PTPRN2: variants seen among roughly 807,000 people sequenced by gnomAD.
The protein encoded by PTPRN2 is protein tyrosine phosphatase receptor type N2.
Under a neutral mutation model 118.8 loss-of-function variants are expected in PTPRN2, and 74 were observed. The observed-to-expected ratio is 0.62, with a 90% CI of 0.52 to 0.76. PTPRN2 has a LOEUF of 0.76. Among genes scored for constraint, PTPRN2 ranks in the 30% least tolerant of loss-of-function variants. PTPRN2 has a pLI of 0.00. For missense variants in PTPRN2, 1,481 were observed against 1,394.4 expected, an observed-to-expected ratio of 1.06 and a Z score of -0.99; for synonymous variants, 641 against 608.0, an observed-to-expected ratio of 1.05 and a Z score of -0.80.
rs1799802377 is a variant in PTPRN2 at position 157,729,995 on chromosome 7, T to C, written c.1789-47058A>G. On this transcript the variant is annotated intron_variant, in intron 12 of 22. Coordinates refer to ENST00000389418, the MANE Select transcript of PTPRN2 (RefSeq NM_002847.5). The surrounding 1 kb of genome is among the most constrained non-coding windows in gnomAD (Gnocchi z 4.3). ...GGGAGCAGAAACCACAAGATAGACA[T>C]GGCCCATTGTGCTCGAGGGTCACTT... is the stretch of plus-strand genomic sequence containing the variant. 6.6e-6 allele frequency among the ~76,000 whole-genome samples: 1 copy of C among 152,204 alleles called. No homozygotes were observed. Among genetic ancestry groups the C allele is most frequent in the African/African-American group, 2.4e-5 (1 of 41,454 alleles).
chr7:158,155,942 C>T (rs1230065822), intron 6 of PTPRN2, among the ~76,000 whole-genome samples: 1 of 152,186 alleles, frequency 6.6e-6, no homozygotes, highest in Non-Finnish European at 1.5e-5. Flanking sequence ...TCAGTAGGAG[C>T]TCATTATCGC....
chr7:157,923,486 G>GA, intron 11 of PTPRN2, among the ~76,000 whole-genome samples: 1 of 152,320 alleles, frequency 6.6e-6, no homozygotes. Flanking sequence ...CATTGAGTTG[G>GA]AAAAATCCAA....
At chr7:158,094,108 G>C (rs1814429162) in intron 10 of PTPRN2, among the ~76,000 whole-genome samples, 1 of 152,112 alleles carries the variant, frequency 6.6e-6, no homozygotes, top group Non-Finnish European at 1.5e-5. Flanking sequence ...TGTATGCTTT[G>C]CCTTTGAACT....
At chr7:157,633,892 T>C (rs1007098104) in intron 14 of PTPRN2, among the ~76,000 whole-genome samples, 43 of 152,192 alleles carry the variant, frequency 2.8e-4, no homozygotes, top group African/African-American at 9.2e-4. Flanking sequence ...AAGATGCTTG[T>C]GATGGTGGTT....
chr7:158,067,242 G>T (rs1049932908), intron 11 of PTPRN2, among the ~76,000 whole-genome samples: 1 of 152,214 alleles, frequency 6.6e-6, no homozygotes, highest in East Asian at 1.9e-4. Context: ...CTGCACCCAG[G>T]GTGTCTCCTG....
At chr7:157,701,894 C>T (rs1046376384) in intron 12 of PTPRN2, among the ~76,000 whole-genome samples, 29 of 145,894 alleles carry the variant, frequency 2.0e-4, no homozygotes, top group Non-Finnish European at 4.0e-4. Context: ...GTAAGAGAGC[C>T]GGGTAGGTGC....
chr7:158,135,811 T>A (rs4349930), intron 8 of PTPRN2, among the ~76,000 whole-genome samples: 51,536 of 152,128 alleles, frequency 0.34, 8,968 homozygotes, highest in East Asian at 0.5. Flanking sequence ...ATGGAACCAC[T>A]AACCAGTAAG....
intron 3 of PTPRN2, among the ~76,000 whole-genome samples, chr7:158,227,320 T>C (rs1828862935): frequency 1.3e-5 from 2 of 151,808 alleles, no homozygotes; most frequent in South Asian, 4.2e-4. Context: ...GCTTCAAGGG[T>C]GAGAGAGAGG....
chr7:158,406,202 C>T (rs56406347), intron 2 of PTPRN2, among the ~76,000 whole-genome samples: 1 of 146,894 alleles, frequency 6.8e-6, no homozygotes, highest in African/African-American at 2.5e-5. Flanking sequence ...ACTGAGATCC[C>T]GGTGGCTCAT....
At chr7:158,309,675 GA>G (rs1440042919) in intron 3 of PTPRN2, among the ~76,000 whole-genome samples, 1 of 152,068 alleles carries the variant, frequency 6.6e-6, no homozygotes, top group Non-Finnish European at 1.5e-5. Context: ...ACTAAATCCA[GA>G]AACATATAAA....
Position 158,351,113 on chromosome 7 carries a change from A to G in PTPRN2, c.164-34181T>C, listed in dbSNP as rs371619176. Among the ~76,000 whole-genome samples the G allele has an allele frequency of 8.5e-5, 13 of 152,294 alleles. No homozygotes were observed. The East Asian group carries it at 2.5e-3, about 29-fold the overall frequency. On this transcript the variant is annotated intron_variant, in intron 2 of 22. Coordinates refer to ENST00000389418, the MANE Select transcript of PTPRN2 (RefSeq NM_002847.5). ...ATGCTGTGTTGATGTGTCAGCATCA[A>G]ACTGTTATGCGGGAGGCAGAAGGAC...
intron 2 of PTPRN2, among the ~76,000 whole-genome samples, chr7:158,341,506 A>G (rs1471938654): frequency 8.4e-6 from 1 of 119,478 alleles, no homozygotes; most frequent in African/African-American, 3.2e-5. Flanking sequence ...ACACGTGCAG[A>G]CGTCACTCAC....
At chr7:158,042,655 A>T (rs1484267601) in intron 11 of PTPRN2, among the ~76,000 whole-genome samples, 1 of 152,202 alleles carries the variant, frequency 6.6e-6, no homozygotes, top group Non-Finnish European at 1.5e-5. Flanking sequence ...GGGGCAGGCC[A>T]GGCCCAGGGC....
intron 1 of PTPRN2, among the ~76,000 whole-genome samples, chr7:158,530,946 G>A (rs1298681120): frequency 1.3e-5 from 2 of 152,194 alleles, no homozygotes; most frequent in Admixed American, 6.5e-5. Flanking sequence ...ACACGTGTGT[G>A]TGTGTAAGCA....
intron 3 of PTPRN2, among the ~76,000 whole-genome samples, chr7:158,309,156 T>C (rs1175964419): frequency 5.9e-5 from 9 of 152,206 alleles, no homozygotes; most frequent in East Asian, 5.8e-4. Flanking sequence ...GTCAACCTGA[T>C]GGGATTGAAG....
intron 2 of PTPRN2, among the ~76,000 whole-genome samples, chr7:158,386,908 G>A (rs1227601072): frequency 6.6e-6 from 1 of 152,180 alleles, no homozygotes; most frequent in African/African-American, 2.4e-5. Flanking sequence ...GAATGGGAAG[G>A]TGCTTCCACA....
intron 9 of PTPRN2, among the ~76,000 whole-genome samples, chr7:158,121,514 T>G (rs1459634425): frequency 1.3e-5 from 2 of 152,224 alleles, no homozygotes; most frequent in Non-Finnish European, 2.9e-5. Flanking sequence ...ATAAGCCAAC[T>G]TCCCAATCAA....
chr7:158,172,905 C>T (rs543653348), intron 5 of PTPRN2, among the ~76,000 whole-genome samples: 1 of 145,558 alleles, frequency 6.9e-6, no homozygotes, highest in Non-Finnish European at 1.5e-5. Flanking sequence ...AGCATCATCC[C>T]ACCATCAATA....
Position 157,779,046 on chromosome 7 carries a change from G to A in PTPRN2, c.1789-96109C>T, listed in dbSNP as rs1026590101. Reference sequence around the variant, plus strand: ...ACAGCCAGGTGGCCGTGTTCTCTGAGGGGTTGTGCCGGGGTCTTCAGACAG... The same window carrying A: ...ACAGCCAGGTGGCCGTGTTCTCTGAAGGGTTGTGCCGGGGTCTTCAGACAG... On this transcript the variant is annotated intron_variant, in intron 12 of 22. Transcript: ENST00000389418. The surrounding 1 kb of genome is among the most constrained non-coding windows in gnomAD (Gnocchi z 4.7). Among the ~76,000 whole-genome samples, 2 of 152,254 alleles carry A rather than the reference G, an allele frequency of 1.3e-5. No individual in the cohort carries two copies. The highest frequency in any genetic ancestry group is 4.8e-5 in the African/African-American group (2 of 41,474).
Sources: allele counts gnomAD v4.1 joint callset (sites outside exome capture counted in the v4.1 genomes callset), GRCh38; gene constraint gnomAD v4.1.1; non-coding constraint Gnocchi (gnomAD v3.1); transcripts MANE v1.5; gene names NCBI Gene and HGNC (gene_info 2026-07-23, HGNC 2026-07-21).